The following ACOXL variants were observed in gnomAD, a reference collection of about 807,000 sequenced individuals.
The protein encoded by ACOXL is acyl-coenzyme A oxidase-like protein.
Under a neutral mutation model 71.9 loss-of-function variants are expected in ACOXL, and 70 were observed. That is an observed-to-expected ratio of 0.97 (90% CI 0.80 to 1.19). ACOXL has a LOEUF of 1.19. ACOXL is among the 50% of genes most tolerant of loss of function. The pLI is 0.00. For synonymous variants in ACOXL, 253 were observed against 281.6 expected (o/e 0.90, Z 1.02); for missense variants, 703 against 736.3 (o/e 0.95, Z 0.52).
intron 11 of ACOXL, among the ~76,000 whole-genome samples, chr2:110,927,454 CCTGTGCTCCTG>C: frequency 6.6e-6 from 1 of 152,276 alleles, no homozygotes; most frequent in Non-Finnish European, 1.5e-5. Flanking sequence ...CCACACCTGT[CCTGTGCTCCTG>C]CTGTGGCCTT....
At chr2:111,037,667 T>C (rs1165469660) in intron 15 of ACOXL, among the ~76,000 whole-genome samples, 1 of 152,208 alleles carries the variant, frequency 6.6e-6, no homozygotes, top group African/African-American at 2.4e-5. Flanking sequence ...ACAACAACCT[T>C]GCAAAGCCCA....
chr2:111,063,020 A>G (rs755618704), intron 16 of ACOXL, among the ~76,000 whole-genome samples: 8 of 152,166 alleles, frequency 5.3e-5, no homozygotes, highest in Non-Finnish European at 7.4e-5. Context: ...GGAAAATTCT[A>G]TGCCCATAAA....
chr2:110,905,180 G>T (rs968347501), intron 10 of ACOXL, among the ~76,000 whole-genome samples: 1 of 152,098 alleles, frequency 6.6e-6, no homozygotes, highest in Non-Finnish European at 1.5e-5. Flanking sequence ...GCTTTGGTTG[G>T]TTTGGTTCTG....
Position 110,908,823 on chromosome 2 carries a change from G to A in ACOXL, c.823G>A (p.Val275Met). 1.2e-6 allele frequency: 2 copies of A among 1,614,140 alleles called. No individual in the cohort carries two copies. The highest frequency in any genetic ancestry group is 1.7e-5 in the Admixed American group (1 of 60,022). ...RQFGPKTKEE[V>M]KIIEHQTQTL... ...GTTTGGGCCCAAAACCAAGGAAGAGGTGAAGATCATTGAGCACCAAACACA... is the reference window on the plus strand; with the variant it reads ...GTTTGGGCCCAAAACCAAGGAAGAGATGAAGATCATTGAGCACCAAACACA... Residue 275 changes from valine (V) to methionine (M), a missense_variant, in exon 11 of 18, where the codon GTG (valine) becomes ATG (methionine). Coordinates refer to ENST00000439055, the MANE Select transcript of ACOXL (RefSeq NM_001142807.4).
At chr2:110,970,325 A>G (rs1217460742) in intron 12 of ACOXL, among the ~76,000 whole-genome samples, 1 of 152,254 alleles carries the variant, frequency 6.6e-6, no homozygotes, top group Non-Finnish European at 1.5e-5. Flanking sequence ...ATATGCAAGT[A>G]TGCTTCAACA....
At chr2:110,978,741 T>C (rs1434414318) in intron 12 of ACOXL, among the ~76,000 whole-genome samples, 3 of 152,200 alleles carry the variant, frequency 2.0e-5, no homozygotes, top group African/African-American at 7.2e-5. Flanking sequence ...CAAATCAACA[T>C]TGGGGGTTAA....
At chr2:111,039,242 A>G (rs1265090095) in intron 15 of ACOXL, among the ~76,000 whole-genome samples, 1 of 152,214 alleles carries the variant, frequency 6.6e-6, no homozygotes, top group African/African-American at 2.4e-5. Context: ...ATCATTTTTA[A>G]CCTATCAGAG....
At chr2:110,879,024 T>C (rs1472505523) in intron 10 of ACOXL, among the ~76,000 whole-genome samples, 7 of 147,184 alleles carry the variant, frequency 4.8e-5, no homozygotes, top group African/African-American at 1.8e-4. Context: ...GCCACTACCC[T>C]CCAGCCTGGG....
chr2:111,009,062 C>T (rs895234419), intron 14 of ACOXL, among the ~76,000 whole-genome samples: 10 of 152,056 alleles, frequency 6.6e-5, no homozygotes, highest in Non-Finnish European at 1.5e-4. Flanking sequence ...TTCATGTTTG[C>T]CGTGCAAACT....
chr2:111,036,603 C>A (rs2149773740), intron 15 of ACOXL, among the ~76,000 whole-genome samples: 1 of 152,188 alleles, frequency 6.6e-6, no homozygotes, highest in Non-Finnish European at 1.5e-5. Context: ...ATGAGCAGTG[C>A]CTTTGGGAAA....
chr2:110,991,253 G>T (rs1051455561), intron 13 of ACOXL, among the ~76,000 whole-genome samples: 1 of 152,030 alleles, frequency 6.6e-6, no homozygotes, highest in Non-Finnish European at 1.5e-5. Context: ...CTGTAGTTGT[G>T]TCTCATTTGT....
intron 14 of ACOXL, 36 bp from the exon 15 acceptor site, chr2:111,031,591 T>A (rs2065271927): frequency 6.3e-7 from 1 of 1,582,536 alleles, no homozygotes; most frequent in Non-Finnish European, 8.7e-7. Context: ...TCTCACAATA[T>A]CCTCAATGGT....
At chr2:110,811,007 C>T (rs1687252995) in intron 9 of ACOXL, among the ~76,000 whole-genome samples, 1 of 152,190 alleles carries the variant, frequency 6.6e-6, no homozygotes, top group South Asian at 2.1e-4. Context: ...CCCACTATCA[C>T]AAGAACAAGA....
intron 3 of ACOXL, among the ~76,000 whole-genome samples, chr2:110,785,400 G>GTGTGTGTGTGT (rs397934583): frequency 1.3e-5 from 2 of 150,714 alleles, no homozygotes; most frequent in African/African-American, 4.9e-5. Flanking sequence ...GTGTGTGTGT[G>GTGTGTGTGTGT]GTTTTATGCA....
intron 11 of ACOXL, among the ~76,000 whole-genome samples, chr2:110,918,733 TG>T (rs1447267899): frequency 6.6e-6 from 1 of 151,966 alleles, no homozygotes; most frequent in Non-Finnish European, 1.5e-5. Flanking sequence ...TATCAAAAAG[TG>T]GGTGAAGAAT....
intron 7 of ACOXL, among the ~76,000 whole-genome samples, chr2:110,799,424 T>G (rs182612577): frequency 2.4e-4 from 37 of 152,304 alleles, no homozygotes; most frequent in African/African-American, 8.7e-4. Context: ...AGGCTGTAGC[T>G]CTCTTCTTTG....
intron 11 of ACOXL, among the ~76,000 whole-genome samples, chr2:110,918,959 T>C (rs550014158): frequency 2.0e-5 from 3 of 151,962 alleles, no homozygotes; most frequent in East Asian, 3.9e-4. Context: ...TTGGTGGGAG[T>C]GTAAATTAGT....
chr2:111,078,221 T>A (rs1194487187), intron 16 of ACOXL, among the ~76,000 whole-genome samples: 2 of 152,178 alleles, frequency 1.3e-5, no homozygotes, highest in Non-Finnish European at 2.9e-5. Context: ...AGGTTACTTT[T>A]CAGTTCTAAA....
chr2:110,910,658 G>A (rs146284280), intron 11 of ACOXL, among the ~76,000 whole-genome samples: 1 of 152,214 alleles, frequency 6.6e-6, no homozygotes, highest in East Asian at 1.9e-4. Context: ...GGCATGAAAT[G>A]TTGTCACATT....
Sources: allele counts gnomAD v4.1 joint callset (sites outside exome capture counted in the v4.1 genomes callset), GRCh38; gene constraint gnomAD v4.1.1; transcripts MANE v1.5; gene names NCBI Gene and HGNC (gene_info 2026-07-23, HGNC 2026-07-21).